The following SGCD variants were observed in gnomAD, a reference collection of about 807,000 sequenced individuals.
The protein encoded by SGCD is sarcoglycan delta.
A neutral mutation model predicts 36.6 loss-of-function variants in SGCD; 18 were observed. The observed-to-expected ratio is 0.49, with a 90% CI of 0.34 to 0.73. SGCD has a LOEUF of 0.73. Ranked by LOEUF, SGCD falls within the 30% of genes least tolerant of loss-of-function variation. The pLI is 0.01. For synonymous variants in SGCD, 133 were observed against 130.6 expected (o/e 1.02, Z -0.12); for missense variants, 387 against 346.7 (o/e 1.12, Z -0.92).
chr5:156,328,184 C>A (rs1387770664), intron 1 of SGCD, among the ~76,000 whole-genome samples: 1 of 152,084 alleles, frequency 6.6e-6, no homozygotes, highest in Admixed American at 6.5e-5. Flanking sequence ...AGATTTTTTC[C>A]TCTCATAGGA....
chr5:156,032,706 C>CAAAAAAAAAAAAAAAAAAAAAAAAAAAAA lies in SGCD; in HGVS notation c.-281-85170_-281-85142dup, dbSNP rs1171072619. On this transcript the variant is annotated intron_variant, in intron 1 of 9. Transcript: ENST00000517913. The stretch of plus-strand genomic sequence containing the variant: ...TGGGCGACAGAGCAAGACTCCGTCT[C>CAAAAAAAAAAAAAAAAAAAAAAAAAAAAA]AAAAAAAAAAAAAAAAAAAAAAAAA... Among the ~76,000 whole-genome samples, 2 of 15,062 alleles carry CAAAAAAAAAAAAAAAAAAAAAAAAAAAAA rather than the reference C, an allele frequency of 1.3e-4. 1 individual carries two copies. The highest frequency in any genetic ancestry group is 3.0e-4 in the African/African-American group (2 of 6,704). The allele number at this position is 15,062 out of a possible 152,430, so 9.9% of individuals were successfully genotyped here. A position where few individuals can be genotyped will look rare whatever the true frequency, so the allele number is the denominator to read the frequency against.
At chr5:155,728,862 G>A in the SGCD span, among the ~76,000 whole-genome samples, 2 of 152,236 alleles carry the variant, frequency 1.3e-5, no homozygotes, top group Non-Finnish European at 2.9e-5. Context: ...ACTGCCCTCA[G>A]CTGCCCGGCT....
the SGCD span, among the ~76,000 whole-genome samples, chr5:155,756,805 A>G: frequency 6.6e-6 from 1 of 152,200 alleles, no homozygotes; most frequent in Non-Finnish European, 1.5e-5. Context: ...TGCACCACAA[A>G]TAGTGAGTCT....
intron 1 of SGCD, among the ~76,000 whole-genome samples, chr5:155,968,592 G>A (rs142908471): frequency 6.6e-6 from 1 of 152,002 alleles, no homozygotes; most frequent in Non-Finnish European, 1.5e-5. Flanking sequence ...TCAAAATTAA[G>A]CTTTATCATA....
intron 3 of SGCD, among the ~76,000 whole-genome samples, chr5:156,501,589 T>C (rs1017821053): frequency 3.3e-5 from 5 of 152,186 alleles, no homozygotes; most frequent in Non-Finnish European, 5.9e-5. Context: ...TTCCCCAGAT[T>C]CCACCTACCT....
At chr5:156,252,208 C>G (rs948473755) in intron 3 of SGCD, among the ~76,000 whole-genome samples, 1 of 151,934 alleles carries the variant, frequency 6.6e-6, no homozygotes, top group Non-Finnish European at 1.5e-5. Context: ...TTAATCCCCT[C>G]CTGGGATTAC....
intron 3 of SGCD, among the ~76,000 whole-genome samples, chr5:156,286,906 T>G (rs2127675835): frequency 6.6e-6 from 1 of 152,162 alleles, no homozygotes; most frequent in African/African-American, 2.4e-5. Context: ...AGAAGGGAAA[T>G]TTGGCATAGG....
chr5:156,349,004 G>A (rs983379946), intron 3 of SGCD, among the ~76,000 whole-genome samples: 4 of 151,586 alleles, frequency 2.6e-5, no homozygotes, highest in Non-Finnish European at 5.9e-5. Context: ...ATTGGAGAAA[G>A]GACACTCTAA....
At chr5:156,722,069 G>C (rs918166882) in intron 7 of SGCD, among the ~76,000 whole-genome samples, 3 of 152,178 alleles carry the variant, frequency 2.0e-5, no homozygotes, top group African/African-American at 7.2e-5. Context: ...AGCCTTGAGT[G>C]CCCTATAGTT....
At chr5:156,015,693 G>A (rs761426197) in intron 1 of SGCD, among the ~76,000 whole-genome samples, 19 of 150,784 alleles carry the variant, frequency 1.3e-4, no homozygotes, top group Non-Finnish European at 2.2e-4. Context: ...CTTTTGTAAC[G>A]AATGAATGAT....
At chr5:156,149,137 A>C (rs578240370) in intron 3 of SGCD, among the ~76,000 whole-genome samples, 2 of 152,330 alleles carry the variant, frequency 1.3e-5, no homozygotes, top group East Asian at 1.9e-4. Context: ...TCACAGGTAC[A>C]TAGTAGGTAT....
intron 4 of SGCD, among the ~76,000 whole-genome samples, chr5:156,527,506 G>A (rs529225015): frequency 3.3e-5 from 5 of 152,294 alleles, no homozygotes; most frequent in African/African-American, 1.2e-4. Flanking sequence ...GCAGCCTAGT[G>A]TTAGAGAAAG....
rs796973332 is a variant in SGCD at position 156,759,512 on chromosome 5, G to A, written c.*122G>A. 38 of 541,970 alleles carry A rather than the reference G, an allele frequency of 7.0e-5. No homozygotes were observed. Among genetic ancestry groups the A allele is most frequent in the Middle Eastern group, 5.1e-4 (1 of 1,946 alleles). The allele number at this position is 541,970 out of a possible 1,614,324, so 33.6% of individuals were successfully genotyped here. A position where few individuals can be genotyped will look rare whatever the true frequency, so the allele number is the denominator to read the frequency against. On this transcript the variant is annotated 3_prime_UTR_variant, in exon 9 of 9. Coordinates refer to ENST00000337851, the MANE Select transcript of SGCD (RefSeq NM_000337.6). ...TCAAAGACCTTGTGTGTATGTGTAC[G>A]TGTGTGTGCGTGCTTGAGTGTGTTC...
intron 3 of SGCD, among the ~76,000 whole-genome samples, chr5:156,473,182 C>A (rs1016872609): frequency 1.3e-5 from 2 of 152,162 alleles, no homozygotes; most frequent in Non-Finnish European, 2.9e-5. Context: ...ACCACCTGTA[C>A]TTAATGATAT....
chr5:156,237,985 T>C (rs1179797580), intron 3 of SGCD, among the ~76,000 whole-genome samples: 1 of 151,848 alleles, frequency 6.6e-6, no homozygotes, highest in Non-Finnish European at 1.5e-5. Flanking sequence ...TCTCACTCTG[T>C]TGCCCAGGCT....
At chr5:156,192,731 T>C (rs13152929) in intron 3 of SGCD, among the ~76,000 whole-genome samples, 37,765 of 150,962 alleles carry the variant, frequency 0.25, 5,982 homozygotes, top group Non-Finnish European at 0.34. Flanking sequence ...AAATATCACA[T>C]GTACCCCATA....
At chr5:156,293,938 A>G (rs1279993294) in intron 3 of SGCD, among the ~76,000 whole-genome samples, 1 of 152,184 alleles carries the variant, frequency 6.6e-6, no homozygotes, top group Non-Finnish European at 1.5e-5. Flanking sequence ...TGACATCTTA[A>G]CAATATTAAA....
chr5:156,085,717 T>C (rs558929302), intron 1 of SGCD, among the ~76,000 whole-genome samples: 2 of 152,360 alleles, frequency 1.3e-5, no homozygotes, highest in South Asian at 4.1e-4. Flanking sequence ...AAATATGTGG[T>C]AGAATTCTCC....
At chr5:155,817,413 G>A in the SGCD span, among the ~76,000 whole-genome samples, 1 of 151,394 alleles carries the variant, frequency 6.6e-6, no homozygotes, top group Non-Finnish European at 1.5e-5. Context: ...TTTCTCGTGT[G>A]TATGCCAACA....
Sources: allele counts gnomAD v4.1 joint callset (sites outside exome capture counted in the v4.1 genomes callset), GRCh38; gene constraint gnomAD v4.1.1; transcripts MANE v1.5; gene names NCBI Gene and HGNC (gene_info 2026-07-23, HGNC 2026-07-21).